FCAR: variants seen among roughly 807,000 people sequenced by gnomAD.
The protein encoded by FCAR is immunoglobulin alpha Fc receptor.
FCAR carries 21 observed loss-of-function variants against 27.1 expected under a neutral mutation model. The ratio of observed to expected loss-of-function variants is 0.77; its 90% CI spans 0.55 to 1.11. The LOEUF is 1.11. Among genes scored for constraint, FCAR ranks in the 50% most tolerant of loss-of-function variants. FCAR has a pLI of 0.00. For synonymous variants in FCAR, 134 were observed against 135.8 expected (o/e 0.99, Z 0.09); for missense variants, 404 against 358.4 (o/e 1.13, Z -1.03).
intron 2 of FCAR, among the ~76,000 whole-genome samples, chr19:54,877,496 A>G (rs1345054459): frequency 6.6e-6 from 1 of 151,900 alleles, no homozygotes; most frequent in Non-Finnish European, 1.5e-5. Flanking sequence ...TTTCTTCTTT[A>G]TTAGTCTAAC....
chr19:54,885,185 A>C, intron 2 of FCAR, 50 bp from the exon 3 acceptor site: 1 of 1,475,316 alleles, frequency 6.8e-7, no homozygotes, highest in South Asian at 1.2e-5. Flanking sequence ...AAGGAAAGGA[A>C]TGGCTTCCCC....
At chr19:54,888,764 C>T (rs2066898869) in intron 4 of FCAR, 24 of 968,720 alleles carry the variant, frequency 2.5e-5, no homozygotes, top group Non-Finnish European at 2.6e-5. Context: ...CCTCGGCCTC[C>T]CAAAGTGCTG....
chr19:54,889,190 T>C, intron 4 of FCAR: 1 of 155,922 alleles, frequency 6.4e-6, no homozygotes, highest in Non-Finnish European at 1.4e-5. Context: ...GCCAACATAG[T>C]GAAACCCCAT....
intron 2 of FCAR, among the ~76,000 whole-genome samples, chr19:54,879,267 T>C (rs2066279366): frequency 6.6e-6 from 1 of 152,292 alleles, no homozygotes. Flanking sequence ...CATGTGCAGA[T>C]TTTTTCCTGT....
chr19:54,874,423 C>T, intron 1 of FCAR, 100 bp downstream of exon 1: 2 of 1,192,506 alleles, frequency 1.7e-6, no homozygotes, highest in South Asian at 1.3e-5. Flanking sequence ...TTAGTGGCTG[C>T]CAAGGAGATT....
In FCAR at chr19:54,889,705, C is replaced by G. The variant is rs587749443; in HGVS notation, c.706C>G (p.Leu236Val). 2 of 1,614,154 alleles carry G rather than the reference C, an allele frequency of 1.2e-6. No homozygotes were observed. Among genetic ancestry groups the G allele is most frequent in the Non-Finnish European group, 1.7e-6 (2 of 1,180,020 alleles). Reference sequence around the variant, plus strand: ...CTTGATCCGCATGGCCGTGGCAGGACTGGTCCTCGTGGCTCTCTTGGCCAT... The same window carrying G: ...CTTGATCCGCATGGCCGTGGCAGGAGTGGTCCTCGTGGCTCTCTTGGCCAT... The part of the protein sequence containing the change: ...QNLIRMAVAG[L>V]VLVALLAILV... Residue 236 changes from leucine to valine, a missense_variant, in exon 5 of 5, where the codon CTG becomes GTG. By Grantham distance (32) the Leu-to-Val change is conservative. Transcript: ENST00000355524.
Position 54,883,583 on chromosome 19 carries a change from G to T in FCAR, c.71-1652G>T, listed in dbSNP as rs141659101. 8.3e-4 allele frequency among the ~76,000 whole-genome samples: 126 copies of T among 152,244 alleles called. 1 individual carries two copies. The highest frequency in any genetic ancestry group is 1.9e-3 in the African/African-American group (78 of 41,534). On this transcript the variant is annotated intron_variant, in intron 2 of 4. Coordinates refer to ENST00000355524, the MANE Select transcript of FCAR (RefSeq NM_002000.4). ...GAGAATGAGGGCTCCTCACGGCTTG[G>T]TCGCCACCTAACGTGGTGAGTCCTT...
At chr19:54,884,109 T>A (rs1233187624) in intron 2 of FCAR, among the ~76,000 whole-genome samples, 1 of 152,146 alleles carries the variant, frequency 6.6e-6, no homozygotes, top group Non-Finnish European at 1.5e-5. Flanking sequence ...ACCATCTGGG[T>A]GCTTTCCAGG....
intron 2 of FCAR, among the ~76,000 whole-genome samples, chr19:54,881,715 A>T (rs1601918510): frequency 1.3e-5 from 2 of 151,948 alleles, no homozygotes; most frequent in East Asian, 3.9e-4. Flanking sequence ...TACTGAAAAC[A>T]CAAAAAATGA....
intron 2 of FCAR, among the ~76,000 whole-genome samples, chr19:54,879,859 ATT>A: frequency 6.6e-6 from 1 of 151,790 alleles, no homozygotes; most frequent in East Asian, 1.9e-4. Flanking sequence ...AATTTTTTAT[ATT>A]TTTTTAGTAG....
At chr19:54,881,730 G>A (rs1314590335) in intron 2 of FCAR, among the ~76,000 whole-genome samples, 1 of 152,070 alleles carries the variant, frequency 6.6e-6, no homozygotes, top group African/African-American at 2.4e-5. Flanking sequence ...AAATGAGCCG[G>A]GCGTGGTGGC....
intron 2 of FCAR, 69 bp downstream of exon 2, chr19:54,875,434 A>G (rs11084377): frequency 0.68 from 891,004 of 1,301,382 alleles, 308,325 homozygotes; most frequent in East Asian, 0.91. Flanking sequence ...AAGAAATTGA[A>G]GAATAGCCTG....
At position 54,890,988 on chromosome 19, in the gene FCAR, C is replaced by G. The variant is rs186539514; in HGVS notation, c.*1125C>G. ...TTTATTTCACAAACCCTATTTCTACCGGATTTTCATACAAGGAATACAGGC... is the reference window on the plus strand; with the variant it reads ...TTTATTTCACAAACCCTATTTCTACGGGATTTTCATACAAGGAATACAGGC... On this transcript the variant is annotated 3_prime_UTR_variant, in exon 5 of 5. Transcript: ENST00000355524. 2.0e-5 allele frequency: 3 copies of G among 152,234 alleles called. No homozygotes were observed. The highest frequency in any genetic ancestry group is 7.2e-5 in the African/African-American group (3 of 41,544). 9.4% of individuals were successfully genotyped at this position (152,234 alleles called of 1,614,324 possible).
intron 2 of FCAR, among the ~76,000 whole-genome samples, chr19:54,878,004 C>T (rs1397474218): frequency 6.6e-6 from 1 of 151,736 alleles, no homozygotes; most frequent in African/African-American, 2.4e-5. Context: ...CAAGCTCCGC[C>T]TCCCAGGTTC....
At chr19:54,886,023 G>A (rs587635609) in intron 3 of FCAR, among the ~76,000 whole-genome samples, 43 of 152,218 alleles carry the variant, frequency 2.8e-4, no homozygotes, top group African/African-American at 1.0e-3. Flanking sequence ...GAGGTGGGTG[G>A]ATCACCTGAG....
intron 2 of FCAR, among the ~76,000 whole-genome samples, chr19:54,878,050 A>G (rs111846466): frequency 0.28 from 42,762 of 151,168 alleles, 6,121 homozygotes; most frequent in South Asian, 0.39. Flanking sequence ...TGAGTAGCTG[A>G]GACTACAGGT....
At chr19:54,881,539 AC>A (rs2066410730) in intron 2 of FCAR, among the ~76,000 whole-genome samples, 1 of 151,916 alleles carries the variant, frequency 6.6e-6, no homozygotes, top group African/African-American at 2.4e-5. Flanking sequence ...GGGAGAGGAG[AC>A]TGAGCTCCTC....
chr19:54,889,919 T>C lies in FCAR; in HGVS notation c.*56T>C, dbSNP rs2066985882. ...GGACTGTGGAGTCCGACAAAGCTACTTGAAGGACACAAGAGAGAAAAGCTC... is the reference window on the plus strand; with the variant it reads ...GGACTGTGGAGTCCGACAAAGCTACCTGAAGGACACAAGAGAGAAAAGCTC... On this transcript the variant is annotated 3_prime_UTR_variant, in exon 5 of 5. Coordinates refer to ENST00000355524, the MANE Select transcript of FCAR (RefSeq NM_002000.4). 3 of 1,276,018 alleles carry C rather than the reference T, an allele frequency of 2.4e-6. No individual in the cohort carries two copies. The highest frequency in any genetic ancestry group is 1.8e-5 in the Admixed American group (1 of 56,496). 79.0% of individuals were successfully genotyped at this position (1,276,018 alleles called of 1,614,324 possible).
At chr19:54,888,423 A>G in intron 4 of FCAR, 129 bp downstream of exon 4, 1 of 1,457,998 alleles carries the variant, frequency 6.9e-7, no homozygotes, top group South Asian at 1.4e-5. Flanking sequence ...AGGACAGTGG[A>G]GAGAGAAAGG....
Sources: gnomAD v4.1 joint callset for allele counts (sites outside exome capture counted in the v4.1 genomes callset) on GRCh38, gnomAD v4.1.1 for gene constraint, MANE v1.5 for transcripts, NCBI Gene and HGNC (gene_info 2026-07-23, HGNC 2026-07-21) for gene names.